KIAA1958: variants seen among roughly 807,000 people sequenced by gnomAD.
KIAA1958 encodes uncharacterized protein KIAA1958.
Under a neutral mutation model 47.2 loss-of-function variants are expected in KIAA1958, and 14 were observed. The ratio of observed to expected loss-of-function variants is 0.30; its 90% CI spans 0.20 to 0.46. KIAA1958 has a LOEUF of 0.46. Ranked by LOEUF, KIAA1958 falls within the 20% of genes least tolerant of loss-of-function variation. The probability of loss-of-function intolerance (pLI) is 1.00; values close to 1 mark genes in which losing one functional copy is unlikely to be tolerated. For missense variants in KIAA1958, 803 were observed against 909.2 expected, an observed-to-expected ratio of 0.88 and a Z score of 1.50; for synonymous variants, 354 against 353.3, an observed-to-expected ratio of 1.00 and a Z score of -0.02.
intron 2 of KIAA1958, among the ~76,000 whole-genome samples, chr9:112,622,625 A>G (rs1467262383): frequency 6.6e-6 from 1 of 152,190 alleles, no homozygotes; most frequent in Non-Finnish European, 1.5e-5. Context: ...GGATATTTAT[A>G]ATTATTTTTC....
At chr9:112,637,238 A>G (rs942100290) in intron 2 of KIAA1958, among the ~76,000 whole-genome samples, 6 of 151,986 alleles carry the variant, frequency 3.9e-5, no homozygotes, top group African/African-American at 1.2e-4. Flanking sequence ...ACACTTTCCA[A>G]TATTCTTCAT....
intron 2 of KIAA1958, among the ~76,000 whole-genome samples, chr9:112,596,465 C>T (rs75288552): frequency 0.013 from 1,996 of 152,202 alleles, 23 homozygotes; most frequent in Non-Finnish European, 0.021. Flanking sequence ...AGGCAACCAT[C>T]TCATAATTGA....
At chr9:112,642,282 C>G (rs1016513793) in intron 2 of KIAA1958, among the ~76,000 whole-genome samples, 2 of 152,182 alleles carry the variant, frequency 1.3e-5, no homozygotes, top group African/African-American at 4.8e-5. Context: ...TTCAGGGTGC[C>G]TGAGCTGGCA....
intron 1 of KIAA1958, among the ~76,000 whole-genome samples, chr9:112,553,461 G>T (rs146531567): frequency 6.5e-4 from 99 of 152,142 alleles, no homozygotes; most frequent in African/African-American, 2.3e-3. Context: ...GTGAGCCACC[G>T]CACCTGGCCC....
chr9:112,508,540 T>G (rs748875643), intron 1 of KIAA1958, among the ~76,000 whole-genome samples: 54 of 152,352 alleles, frequency 3.5e-4, no homozygotes, highest in Admixed American at 9.8e-4. Context: ...AGATGATTAT[T>G]CAATAGGGCT....
At chr9:112,648,913 C>G (rs1159349107) in intron 3 of KIAA1958, among the ~76,000 whole-genome samples, 1 of 152,058 alleles carries the variant, frequency 6.6e-6, no homozygotes, top group East Asian at 1.9e-4. Context: ...CAGGCCAGAA[C>G]TAACTAGATT....
chr9:112,524,404 A>G (rs1036425162), intron 1 of KIAA1958, among the ~76,000 whole-genome samples: 2 of 152,248 alleles, frequency 1.3e-5, no homozygotes, highest in African/African-American at 2.4e-5. Flanking sequence ...AGTTTATGCT[A>G]TACCTCGGAA....
At chr9:112,582,039 T>G (rs1835744859) in intron 2 of KIAA1958, 1 of 224,912 alleles carries the variant, frequency 4.4e-6, no homozygotes, top group Non-Finnish European at 9.4e-6. Context: ...TTAGGGAAGC[T>G]TCACCGCTTC....
chr9:112,648,770 GA>G (rs1403839683), intron 3 of KIAA1958, among the ~76,000 whole-genome samples: 2 of 152,172 alleles, frequency 1.3e-5, no homozygotes. Context: ...CAAAGTTTCA[GA>G]ATATGTATAG....
At chr9:112,622,471 C>G (rs1836526049) in intron 2 of KIAA1958, among the ~76,000 whole-genome samples, 1 of 152,098 alleles carries the variant, frequency 6.6e-6, no homozygotes. Flanking sequence ...ACCATAGATG[C>G]TAGCTATTTT....
chr9:112,596,550 C>G (rs932825317), intron 2 of KIAA1958, among the ~76,000 whole-genome samples: 14 of 152,006 alleles, frequency 9.2e-5, no homozygotes, highest in African/African-American at 3.4e-4. Flanking sequence ...AGGAAAATAC[C>G]TAACTTTTTT....
At chr9:112,647,500 A>G (rs11794284) in intron 3 of KIAA1958, among the ~76,000 whole-genome samples, 5,551 of 152,282 alleles carry the variant, frequency 0.036, 179 homozygotes, top group Admixed American at 0.071. Context: ...TGAAGGAAAT[A>G]AACCACAATG....
chr9:112,561,246 G>A (rs1187245279), intron 1 of KIAA1958, among the ~76,000 whole-genome samples: 2 of 151,788 alleles, frequency 1.3e-5, no homozygotes, highest in Non-Finnish European at 2.9e-5. Context: ...AGTAGAGACG[G>A]GGTTTCACCG....
chr9:112,543,258 C>T (rs185489438), intron 1 of KIAA1958, among the ~76,000 whole-genome samples: 26 of 128,472 alleles, frequency 2.0e-4, no homozygotes, highest in Admixed American at 1.9e-3. Flanking sequence ...TGTTTTAAAG[C>T]AGCAGTAAAA....
intron 1 of KIAA1958, among the ~76,000 whole-genome samples, chr9:112,497,630 GT>G (rs1404548026): frequency 6.6e-6 from 1 of 151,890 alleles, no homozygotes; most frequent in East Asian, 1.9e-4. Flanking sequence ...CAGATTTCCA[GT>G]TTCAGTGGTA....
Position 112,574,085 on chromosome 9 carries a change from A to G in KIAA1958, c.5A>G (p.Glu2Gly). Residue 2 changes from glutamate (E) to glycine (G), a missense_variant, in exon 2 of 4, where the codon GAG (glutamate) becomes GGG (glycine). Physicochemically the swap from Glu to Gly is moderately conservative, Grantham distance 98. Coordinates refer to ENST00000337530, the MANE Select transcript of KIAA1958 (RefSeq NM_133465.4). M[E>G]DCLHTSSENL... The stretch of plus-strand genomic sequence containing the variant: ...TGACACTGCTGATCCTGTAACATGG[A>G]GGATTGTCTTCATACCTCATCTGAG... The G allele has an allele frequency of 6.4e-7, 1 of 1,571,106 alleles. No individual in the cohort carries two copies. The highest frequency in any genetic ancestry group is 8.7e-7 in the Non-Finnish European group (1 of 1,153,888).
intron 1 of KIAA1958, among the ~76,000 whole-genome samples, chr9:112,563,842 A>G (rs965808933): frequency 1.3e-5 from 2 of 152,130 alleles, no homozygotes; most frequent in African/African-American, 4.8e-5. Flanking sequence ...CTTTTACATT[A>G]AATATATTAG....
intron 1 of KIAA1958, among the ~76,000 whole-genome samples, chr9:112,535,430 G>T (rs564038547): frequency 6.6e-6 from 1 of 152,050 alleles, no homozygotes. Flanking sequence ...TTTTTTTAAG[G>T]CTTATTAGCA....
In KIAA1958 at chr9:112,496,040, A is replaced by G. The variant is rs149231995; in HGVS notation, c.-25+8922A>G. On this transcript the variant is annotated intron_variant, in intron 1 of 3. Coordinates refer to ENST00000337530, the MANE Select transcript of KIAA1958 (RefSeq NM_133465.4). ...AGTTTAGCTGACCTTCCTTCCAGCT[A>G]AAAGTAGCCATGTGAACAAGTCCAG... 3.0e-3 allele frequency among the ~76,000 whole-genome samples: 450 copies of G among 152,338 alleles called. 4 individuals carry two copies. Among genetic ancestry groups the G allele is most frequent in the Middle Eastern group, 0.014 (4 of 294 alleles).
Sources: gnomAD v4.1 joint callset for allele counts (sites outside exome capture counted in the v4.1 genomes callset) on GRCh38, gnomAD v4.1.1 for gene constraint, MANE v1.5 for transcripts, NCBI Gene and HGNC (gene_info 2026-07-23, HGNC 2026-07-21) for gene names.